The following ZSWIM6 variants were observed in gnomAD, a reference collection of about 807,000 sequenced individuals.
ZSWIM6 encodes the protein zinc finger SWIM domain-containing protein 6.
A neutral mutation model predicts 113.2 loss-of-function variants in ZSWIM6; 9 were observed. That is an observed-to-expected ratio of 0.08 (90% CI 0.05 to 0.14). The LOEUF (loss-of-function observed/expected upper bound fraction) is 0.14. Among genes scored for constraint, ZSWIM6 ranks in the 10% least tolerant of loss-of-function variants. The probability of loss-of-function intolerance (pLI) is 1.00; values close to 1 mark genes in which losing one functional copy is unlikely to be tolerated. For missense variants in ZSWIM6, 1,162 were observed against 1,552.2 expected, an observed-to-expected ratio of 0.75 and a Z score of 4.22; for synonymous variants, 611 against 606.5, an observed-to-expected ratio of 1.01 and a Z score of -0.11.
At chr5:61,394,454 C>T (rs1390449307) in intron 1 of ZSWIM6, among the ~76,000 whole-genome samples, 1 of 152,252 alleles carries the variant, frequency 6.6e-6, no homozygotes, top group African/African-American at 2.4e-5. Context: ...ATTCTTCCTC[C>T]AGTATTGACT....
chr5:61,413,471 T>C (rs922213731), intron 1 of ZSWIM6, among the ~76,000 whole-genome samples: 1 of 152,130 alleles, frequency 6.6e-6, no homozygotes, highest in Non-Finnish European at 1.5e-5. Context: ...TGAATAGTGC[T>C]GCAGTAAACA....
Position 61,498,081 on chromosome 5 carries a change from A to C in ZSWIM6, c.1333+3671A>C, listed in dbSNP as rs59648945. On this transcript the variant is annotated intron_variant, in intron 4 of 13. Coordinates refer to ENST00000252744, the MANE Select transcript of ZSWIM6 (RefSeq NM_020928.2). ...TTCTTAAATGTATTCCTAGACTGCA[A>C]TTTTACTTTGCTTCATAAAACTATA... 6.5e-3 allele frequency among the ~76,000 whole-genome samples: 997 copies of C among 152,266 alleles called. 14 individuals are homozygous for C. Among genetic ancestry groups the C allele is most frequent in the African/African-American group, 0.023 (962 of 41,562 alleles).
intron 8 of ZSWIM6, 130 bp from the exon 9 acceptor site, chr5:61,531,335 A>G: frequency 8.8e-7 from 1 of 1,130,892 alleles, no homozygotes; most frequent in Non-Finnish European, 1.2e-6. Flanking sequence ...CCTAAAAAAC[A>G]TGTTTTCTGG....
chr5:61,350,595 A>T (rs1016229500), intron 1 of ZSWIM6, among the ~76,000 whole-genome samples: 16 of 152,222 alleles, frequency 1.1e-4, no homozygotes, highest in African/African-American at 3.6e-4. Flanking sequence ...TTATATTCTT[A>T]TTTGAAGTTG....
intron 1 of ZSWIM6, among the ~76,000 whole-genome samples, chr5:61,357,238 G>C (rs1744933994): frequency 6.6e-6 from 1 of 152,188 alleles, no homozygotes; most frequent in Non-Finnish European, 1.5e-5. Flanking sequence ...CAGGAATTCA[G>C]TGCAGGGTAT....
intron 1 of ZSWIM6, among the ~76,000 whole-genome samples, chr5:61,458,997 C>T (rs1747268873): frequency 6.6e-6 from 1 of 151,820 alleles, no homozygotes; most frequent in Non-Finnish European, 1.5e-5. Flanking sequence ...TCCATTTATA[C>T]TACCATTCCT....
At chr5:61,524,075 A>G (rs957355830) in intron 5 of ZSWIM6, among the ~76,000 whole-genome samples, 1 of 152,224 alleles carries the variant, frequency 6.6e-6, no homozygotes, top group African/African-American at 2.4e-5. Flanking sequence ...CTATGATTTC[A>G]GCTTAACAAA....
At chr5:61,523,470 A>G (rs937199994) in intron 5 of ZSWIM6, among the ~76,000 whole-genome samples, 6 of 152,310 alleles carry the variant, frequency 3.9e-5, no homozygotes, top group East Asian at 1.9e-4. Flanking sequence ...TTTTTTTAGT[A>G]GAAGAACAAA....
chr5:61,370,300 T>G (rs1745239329), intron 1 of ZSWIM6, among the ~76,000 whole-genome samples: 1 of 152,244 alleles, frequency 6.6e-6, no homozygotes, highest in Non-Finnish European at 1.5e-5. Flanking sequence ...AACCACATTT[T>G]GAAACATGTG....
At chr5:61,509,947 A>T (rs1748734299) in intron 4 of ZSWIM6, among the ~76,000 whole-genome samples, 1 of 152,022 alleles carries the variant, frequency 6.6e-6, no homozygotes, top group South Asian at 2.1e-4. Context: ...TTCAACATCC[A>T]AGTCTTTCAT....
intron 1 of ZSWIM6, among the ~76,000 whole-genome samples, chr5:61,405,274 A>G (rs145002154): frequency 6.6e-6 from 1 of 152,374 alleles, no homozygotes; most frequent in Non-Finnish European, 1.5e-5. Context: ...ATCAAAATGT[A>G]TACTTTGTTC....
At chr5:61,382,812 AAAAAAAAG>A (rs1180332049) in intron 1 of ZSWIM6, among the ~76,000 whole-genome samples, 16 of 134,868 alleles carry the variant, frequency 1.2e-4, no homozygotes, top group African/African-American at 4.1e-4. Context: ...CTAAAAATAA[AAAAAAAAG>A]AAAGAAAGAA....
chr5:61,398,912 GTTTTTTTTTTTTTTT>G lies in ZSWIM6; in HGVS notation c.676+65978_676+65992del, dbSNP rs57439648. On this transcript the variant is annotated intron_variant, in intron 1 of 13. Transcript: ENST00000252744. ...GAAGGAGAGCAAGTTGTGTATAGTT[GTTTTTTTTTTTTTTT>G]TTTTTTTTTTTTTGAGACAGAATCT... 2.1e-4 allele frequency among the ~76,000 whole-genome samples: 13 copies of G among 61,786 alleles called. No homozygotes were observed. In the South Asian group the frequency reaches 5.9e-3, roughly 28 times the overall value. 40.5% of individuals were successfully genotyped at this position (61,786 alleles called of 152,430 possible). A position where few individuals can be genotyped will look rare whatever the true frequency, so the allele number is the denominator to read the frequency against.
chr5:61,397,058 T>G (rs1039601006), intron 1 of ZSWIM6, among the ~76,000 whole-genome samples: 4 of 152,240 alleles, frequency 2.6e-5, no homozygotes, highest in African/African-American at 9.6e-5. Context: ...AGCAGTAAGA[T>G]GTGGTACTAG....
intron 1 of ZSWIM6, among the ~76,000 whole-genome samples, chr5:61,363,623 G>A (rs2112056340): frequency 1.3e-5 from 2 of 152,288 alleles, no homozygotes; most frequent in Middle Eastern, 6.8e-3. Flanking sequence ...TTGGCTTGGG[G>A]GGTGGGGAGA....
At chr5:61,497,128 T>G (rs566822793) in intron 4 of ZSWIM6, among the ~76,000 whole-genome samples, 17 of 150,946 alleles carry the variant, frequency 1.1e-4, no homozygotes, top group African/African-American at 4.1e-4. Context: ...AAAAAAAGAT[T>G]CCTGGCATGA....
intron 4 of ZSWIM6, among the ~76,000 whole-genome samples, chr5:61,511,985 C>T (rs1342381073): frequency 1.3e-5 from 2 of 152,086 alleles, no homozygotes; most frequent in Admixed American, 6.6e-5. Context: ...CTATAAAATA[C>T]ATACATACTG....
At chr5:61,425,475 A>G (rs1276409145) in intron 1 of ZSWIM6, among the ~76,000 whole-genome samples, 2 of 152,228 alleles carry the variant, frequency 1.3e-5, no homozygotes, top group Non-Finnish European at 2.9e-5. Context: ...CACCATGCTT[A>G]GAAGACACCG....
chr5:61,337,180 G>A (rs1489905027), intron 1 of ZSWIM6, among the ~76,000 whole-genome samples: 3 of 152,176 alleles, frequency 2.0e-5, no homozygotes, highest in African/African-American at 7.2e-5. Flanking sequence ...TCGGGAGGCT[G>A]GGGCAGGAGA....
Sources: allele counts gnomAD v4.1 joint callset (sites outside exome capture counted in the v4.1 genomes callset), GRCh38; gene constraint gnomAD v4.1.1; transcripts MANE v1.5; gene names NCBI Gene and HGNC (gene_info 2026-07-23, HGNC 2026-07-21).